HMGB1: variants seen among roughly 807,000 people sequenced by gnomAD.
HMGB1 encodes high mobility group box 1.
For missense variants in HMGB1, 79 were observed against 253.5 expected (o/e 0.31, Z 4.67); for synonymous variants, 81 against 84.0 (o/e 0.96, Z 0.19).
intron 1 of HMGB1, among the ~76,000 whole-genome samples, chr13:30,571,334 G>A (rs985268608): frequency 7.1e-6 from 1 of 140,928 alleles, no homozygotes; most frequent in African/African-American, 2.6e-5. Context: ...TCGCTCTCTC[G>A]CCCAGGCTGG....
At chr13:30,545,258 A>T (rs1343474026) in intron 1 of HMGB1, among the ~76,000 whole-genome samples, 1 of 152,078 alleles carries the variant, frequency 6.6e-6, no homozygotes, top group Non-Finnish European at 1.5e-5. Flanking sequence ...CAATACAGTG[A>T]GACCCTATCT....
Position 30,521,704 on chromosome 13 carries a change from G to C in HMGB1, c.-14-58010C>G, listed in dbSNP as rs116494404. Among the ~76,000 whole-genome samples, 613 of 151,866 alleles carry C rather than the reference G, an allele frequency of 4.0e-3. 5 individuals are homozygous for C. Among genetic ancestry groups the C allele is most frequent in the African/African-American group, 0.014 (588 of 41,382 alleles). ...CATGTACAAGATTTTGTGTAGATAC[G>C]TGTTTTCACGTCTCTTGGGTATATC... On this transcript the variant is annotated intron_variant, in intron 1 of 4. Transcript: ENST00000405805.
intron 1 of HMGB1, among the ~76,000 whole-genome samples, chr13:30,473,543 A>C (rs1487368166): frequency 6.6e-6 from 1 of 152,258 alleles, no homozygotes; most frequent in Non-Finnish European, 1.5e-5. Context: ...TTACACCTTC[A>C]GAATAAATGC....
intron 1 of HMGB1, among the ~76,000 whole-genome samples, chr13:30,604,097 G>C (rs1950430185): frequency 6.6e-6 from 1 of 151,840 alleles, no homozygotes; most frequent in African/African-American, 2.4e-5. Flanking sequence ...CATCCATCTA[G>C]TGGAAACGAT....
In HMGB1 at chr13:30,458,916, CAA is replaced by C. The variant is rs1238121691; in HGVS notation, c.*2439_*2440del. On this transcript the variant is annotated 3_prime_UTR_variant, in exon 5 of 5. Transcript: ENST00000341423. ...GCAATAGCTCTCAACCTTTGCACAG[CAA>C]AGTTAGGAAATTTGACTCGTTAATC... 3 of 152,256 alleles carry C rather than the reference CAA, an allele frequency of 2.0e-5. No homozygotes were observed. Among genetic ancestry groups the C allele is most frequent in the East Asian group, 1.9e-4 (1 of 5,180 alleles). The allele number at this position is 152,256 out of a possible 1,614,324, so 9.4% of individuals were successfully genotyped here. A position where few individuals can be genotyped will look rare whatever the true frequency, so the allele number is the denominator to read the frequency against.
chr13:30,578,365 G>GTTTTTTTT (rs1475312645), intron 1 of HMGB1, among the ~76,000 whole-genome samples: 14 of 67,074 alleles, frequency 2.1e-4, no homozygotes, highest in Non-Finnish European at 3.3e-4. Context: ...ACCAGTTCTT[G>GTTTTTTTT]TTCTTTTTTT....
intron 1 of HMGB1, among the ~76,000 whole-genome samples, chr13:30,614,387 A>C (rs1244065290): frequency 6.6e-6 from 1 of 152,228 alleles, no homozygotes; most frequent in African/African-American, 2.4e-5. Flanking sequence ...TGAAACTATA[A>C]GGAACTCTCC....
At chr13:30,461,584 G>C (rs751151467) in intron 4 of HMGB1, 51 bp from the exon 5 acceptor site, 1 of 1,567,636 alleles carries the variant, frequency 6.4e-7, no homozygotes, top group Non-Finnish European at 8.7e-7. Flanking sequence ...AAACATTAAG[G>C]AAAGAAATAG....
At chr13:30,558,753 A>G (rs1026352996) in intron 1 of HMGB1, among the ~76,000 whole-genome samples, 2 of 152,178 alleles carry the variant, frequency 1.3e-5, no homozygotes, top group Non-Finnish European at 2.9e-5. Flanking sequence ...TTCTTTCCTT[A>G]TTCCCCTAGA....
intron 1 of HMGB1, among the ~76,000 whole-genome samples, chr13:30,492,994 CA>C (rs1022752871): frequency 0.019 from 787 of 40,446 alleles, 7 homozygotes; most frequent in African/African-American, 0.068. Flanking sequence ...GACTACATCT[CA>C]AAAAAAAAAA....
chr13:30,529,294 C>G (rs1013680659), intron 1 of HMGB1, among the ~76,000 whole-genome samples: 6 of 152,110 alleles, frequency 3.9e-5, no homozygotes, highest in African/African-American at 1.4e-4. Flanking sequence ...CAAGGCCACT[C>G]ATTCTGAAAG....
At chr13:30,592,570 C>A (rs1871414923) in intron 1 of HMGB1, among the ~76,000 whole-genome samples, 1 of 152,112 alleles carries the variant, frequency 6.6e-6, no homozygotes, top group African/African-American at 2.4e-5. Context: ...ATTTTGGGCA[C>A]CCCAAGTTTA....
intron 1 of HMGB1, among the ~76,000 whole-genome samples, chr13:30,569,013 T>C (rs902399537): frequency 6.6e-6 from 1 of 151,978 alleles, no homozygotes; most frequent in Non-Finnish European, 1.5e-5. Flanking sequence ...CCCATCTCTA[T>C]TAAAAATAAA....
intron 1 of HMGB1, among the ~76,000 whole-genome samples, chr13:30,477,239 A>C (rs1015926831): frequency 6.6e-6 from 1 of 152,182 alleles, no homozygotes; most frequent in Non-Finnish European, 1.5e-5. Context: ...AATCTGAAAA[A>C]AGTTTAATGA....
intron 1 of HMGB1, among the ~76,000 whole-genome samples, chr13:30,496,367 C>T (rs755615948): frequency 1.3e-5 from 2 of 152,234 alleles, no homozygotes; most frequent in Non-Finnish European, 2.9e-5. Flanking sequence ...CCTAGACTCA[C>T]AGCCTGGCAC....
At chr13:30,465,764 C>G (rs2137412206) in intron 1 of HMGB1, 32 bp downstream of exon 1, 1 of 983,142 alleles carries the variant, frequency 1.0e-6, no homozygotes, top group Non-Finnish European at 1.2e-6. Context: ...GCCGGAGGCG[C>G]TCTCCCCGCC....
chr13:30,592,223 T>C (rs1273101302), intron 1 of HMGB1, among the ~76,000 whole-genome samples: 1 of 152,192 alleles, frequency 6.6e-6, no homozygotes, highest in Non-Finnish European at 1.5e-5. Flanking sequence ...TTCTTGAATT[T>C]CTGTTATCTA....
At chr13:30,617,594 G>A (rs970654935) in exon 1 of HMGB1, 1 of 152,298 alleles carries the variant, frequency 6.6e-6, no homozygotes, top group Non-Finnish European at 1.5e-5. Context: ...TCCCTCCGCA[G>A]AAAGCCGCGC....
chr13:30,512,418 C>T (rs1888012246), intron 1 of HMGB1, among the ~76,000 whole-genome samples: 1 of 152,186 alleles, frequency 6.6e-6, no homozygotes, highest in African/African-American at 2.4e-5. Context: ...AGGATGTCTA[C>T]CCACATCCCT....
Sources: gnomAD v4.1 joint callset for allele counts (sites outside exome capture counted in the v4.1 genomes callset) on GRCh38, gnomAD v4.1.1 for gene constraint, MANE v1.5 for transcripts, NCBI Gene and HGNC (gene_info 2026-07-23, HGNC 2026-07-21) for gene names.